Variants in ATXN10 observed in about 807,000 individuals in gnomAD.
ATXN10 encodes ataxin-10.
A neutral mutation model predicts 52.9 loss-of-function variants in ATXN10; 28 were observed. The ratio of observed to expected loss-of-function variants is 0.53; its 90% CI spans 0.39 to 0.73. The LOEUF (loss-of-function observed/expected upper bound fraction) is 0.73, where lower values mean the gene tolerates loss of function less well. ATXN10 is among the 30% of genes least tolerant of loss of function. The pLI is 0.00. For missense variants in ATXN10, 565 were observed against 577.0 expected (o/e 0.98, Z 0.21); for synonymous variants, 226 against 221.5 (o/e 1.02, Z -0.18).
chr22:45,824,288 G>A lies in ATXN10; in HGVS notation c.1237+17266G>A, dbSNP rs1928748564. Among the ~76,000 whole-genome samples, 1 of 152,064 alleles carries A rather than the reference G, an allele frequency of 6.6e-6. No homozygotes were observed. Among genetic ancestry groups the A allele is most frequent in the Non-Finnish European group, 1.5e-5 (1 of 68,026 alleles). ...TTGGCCAACTCCTACTCACCTTTGA[G>A]TTTGATTTAAATATTATTTATTTAA... On this transcript the variant is annotated intron_variant, in intron 10 of 11. Transcript: ENST00000252934. This position sits in a 1 kb window ranked among gnomAD's most constrained non-coding sequence, Gnocchi z 5.2.
chr22:45,718,583 T>C lies in ATXN10; in HGVS notation c.728+90T>C, dbSNP rs1197597113. On this transcript the variant is annotated intron_variant, in intron 6 of 11. Coordinates refer to ENST00000252934, the MANE Select transcript of ATXN10 (RefSeq NM_013236.4). This position sits in a 1 kb window ranked among gnomAD's most constrained non-coding sequence, Gnocchi z 4.4. ...ACTGAAAAGCTGTGTGGTTTCTGAGTTGGCACAGAATCTCTAAATACATGT... is the reference window on the plus strand; with the variant it reads ...ACTGAAAAGCTGTGTGGTTTCTGAGCTGGCACAGAATCTCTAAATACATGT... The C allele has an allele frequency of 8.6e-7, 1 of 1,167,682 alleles. No individual in the cohort carries two copies. The highest frequency in any genetic ancestry group is 1.3e-6 in the Non-Finnish European group (1 of 774,480). 72.3% of individuals were successfully genotyped at this position (1,167,682 alleles called of 1,614,324 possible).
At chr22:45,679,330 AAG>A (rs1418721514) in intron 1 of ATXN10, 1 of 152,260 alleles carries the variant, frequency 6.6e-6, no homozygotes, top group Non-Finnish European at 1.5e-5. Context: ...GCATACAAGA[AAG>A]ACTTTAATTA....
intron 9 of ATXN10, among the ~76,000 whole-genome samples, chr22:45,803,434 G>A (rs1383223620): frequency 6.6e-6 from 1 of 151,992 alleles, no homozygotes; most frequent in Non-Finnish European, 1.5e-5. Context: ...ACTTCTTTAG[G>A]GAGGCCTTCT....
chr22:45,803,887 C>T (rs1365598031), intron 9 of ATXN10, among the ~76,000 whole-genome samples: 1 of 152,062 alleles, frequency 6.6e-6, no homozygotes, highest in Admixed American at 6.6e-5. Context: ...CTGTGCTTCT[C>T]AAACACATGA....
intron 9 of ATXN10, among the ~76,000 whole-genome samples, chr22:45,782,729 G>A (rs77165674): frequency 0.017 from 2,626 of 152,260 alleles, 78 homozygotes; most frequent in African/African-American, 0.06. Flanking sequence ...AGCGATACAC[G>A]TAAGATTTGT....
rs1929464170 is a variant in ATXN10, at chr22:45,844,985, G to A, written c.*1314G>A. ...ACTCTGAAGACACATCAGCTTCTAG[G>A]ATTGCAGCAATCTATGAATAACATT... On this transcript the variant is annotated 3_prime_UTR_variant, in exon 12 of 12. Transcript: ENST00000252934. 1 of 152,208 alleles carries A rather than the reference G, an allele frequency of 6.6e-6. No homozygotes were observed. Among genetic ancestry groups the A allele is most frequent in the African/African-American group, 2.4e-5 (1 of 41,450 alleles). The allele number at this position is 152,208 out of a possible 1,614,324, so 9.4% of individuals were successfully genotyped here. A position where few individuals can be genotyped will look rare whatever the true frequency, so the allele number is the denominator to read the frequency against.
At chr22:45,740,033 AAAG>A (rs1379966104) in intron 8 of ATXN10, among the ~76,000 whole-genome samples, 1 of 152,230 alleles carries the variant, frequency 6.6e-6, no homozygotes, top group African/African-American at 2.4e-5. Flanking sequence ...GTTCTTTCAT[AAAG>A]AAGTTGAGAT....
In ATXN10 at chr22:45,769,351, G is replaced by A. The variant is rs893459564; in HGVS notation, c.1173+28813G>A. Among the ~76,000 whole-genome samples, 6 of 152,082 alleles carry A rather than the reference G, an allele frequency of 3.9e-5. No individual in the cohort carries two copies. The highest frequency in any genetic ancestry group is 3.4e-3 in the Middle Eastern group (1 of 294). ...ATAGACACAACAGACATTTCTACAG[G>A]ATCTGCTTGGTACAGGGCACTGTGC... On this transcript the variant is annotated intron_variant, in intron 9 of 11. Coordinates refer to ENST00000252934, the MANE Select transcript of ATXN10 (RefSeq NM_013236.4). The surrounding 1 kb of genome is among the most constrained non-coding windows in gnomAD (Gnocchi z 4.2).
chr22:45,738,591 G>C (rs1319665419), intron 7 of ATXN10, 140 bp from the exon 8 acceptor site: 1 of 710,808 alleles, frequency 1.4e-6, no homozygotes, highest in Non-Finnish European at 2.3e-6. Context: ...GTTCTTCATA[G>C]TTTTGTTTTT....
chr22:45,762,264 G>A lies in ATXN10; in HGVS notation c.1173+21726G>A, dbSNP rs1234937399. Among the ~76,000 whole-genome samples the A allele has an allele frequency of 6.6e-6, 1 of 152,194 alleles. No individual in the cohort carries two copies. Among genetic ancestry groups the A allele is most frequent in the Non-Finnish European group, 1.5e-5 (1 of 68,040 alleles). On this transcript the variant is annotated intron_variant, in intron 9 of 11. Transcript: ENST00000252934. The surrounding 1 kb of genome is among the most constrained non-coding windows in gnomAD (Gnocchi z 4.3). ...GACCAGCGTGCGTTTCTTTCTGGAG[G>A]CGCAGGGACCTCGGCTTATTTTTCT... is the stretch of plus-strand genomic sequence containing the variant.
At chr22:45,791,037 T>A (rs1927490674) in intron 9 of ATXN10, among the ~76,000 whole-genome samples, 1 of 152,122 alleles carries the variant, frequency 6.6e-6, no homozygotes, top group Admixed American at 6.5e-5. Context: ...TAAAAAATTA[T>A]TTGTTGAGAT....
intron 1 of ATXN10, chr22:45,674,999 C>T (rs554290359): frequency 2.6e-5 from 4 of 152,314 alleles, no homozygotes; most frequent in Admixed American, 6.5e-5. Context: ...CTTCTTGTTT[C>T]TTTCCTTGAA....
intron 10 of ATXN10, among the ~76,000 whole-genome samples, chr22:45,808,011 A>G (rs1928159062): frequency 6.6e-6 from 1 of 152,240 alleles, no homozygotes; most frequent in African/African-American, 2.4e-5. Context: ...TGTGCTGAAG[A>G]TACTGTCATT....
chr22:45,680,526 C>T (rs187352128), intron 1 of ATXN10, among the ~76,000 whole-genome samples: 214 of 152,196 alleles, frequency 1.4e-3, no homozygotes, highest in African/African-American at 5.1e-3. Flanking sequence ...GAACTGTCAT[C>T]CCTTTAAGGC....
chr22:45,702,740 T>G lies in ATXN10; in HGVS notation c.540T>G (p.Ile180Met), dbSNP rs1172320854. The change falls in exon 5 of 12, where the codon ATT becomes ATG. Residue 180 changes from isoleucine (I) to methionine (M), a missense_variant. Physicochemically the swap from Ile to Met is conservative, Grantham distance 10. Transcript: ENST00000252934. ...DKKIVAYSSM[I>M]LFTSLNHERM... ...AAATTGTTGCCTACTCTTCAATGAT[T>G]TTGTTTACATCCCTTAATCATGAAA... 1 of 1,613,938 alleles carries G rather than the reference T, an allele frequency of 6.2e-7. No individual in the cohort carries two copies. Among genetic ancestry groups the G allele is most frequent in the African/African-American group, 1.3e-5 (1 of 74,928 alleles).
chr22:45,708,649 T>C lies in ATXN10; in HGVS notation c.647+5802T>C, dbSNP rs552056852. Among the ~76,000 whole-genome samples the C allele has an allele frequency of 6.6e-6, 1 of 152,192 alleles. No individual in the cohort carries two copies. The highest frequency in any genetic ancestry group is 1.5e-5 in the Non-Finnish European group (1 of 68,028). The stretch of plus-strand genomic sequence containing the variant: ...TTTTAGCCTCTTTTGGTGTAAACTT[T>C]TTCTTTTTGAGACAGAGTCTCACTC... On this transcript the variant is annotated intron_variant, in intron 5 of 11. Coordinates refer to ENST00000252934, the MANE Select transcript of ATXN10 (RefSeq NM_013236.4). This position sits in a 1 kb window ranked among gnomAD's most constrained non-coding sequence, Gnocchi z 5.3.
chr22:45,812,609 C>G (rs1233750829), intron 10 of ATXN10, among the ~76,000 whole-genome samples: 1 of 152,190 alleles, frequency 6.6e-6, no homozygotes, highest in Non-Finnish European at 1.5e-5. Flanking sequence ...TAGTAATTAG[C>G]ACCATCCAAG....
At chr22:45,806,346 G>A (rs186871377) in intron 9 of ATXN10, among the ~76,000 whole-genome samples, 1 of 152,130 alleles carries the variant, frequency 6.6e-6, no homozygotes, top group East Asian at 1.9e-4. Flanking sequence ...TGTATTTTCG[G>A]TGCCATGTAT....
intron 5 of ATXN10, 44 bp downstream of exon 5, chr22:45,702,891 C>G (rs373530878): frequency 3.4e-5 from 55 of 1,610,606 alleles, no homozygotes; most frequent in Non-Finnish European, 4.2e-5. Flanking sequence ...GGCATCCTGA[C>G]AGATCACTTT....
Sources: allele counts gnomAD v4.1 joint callset (sites outside exome capture counted in the v4.1 genomes callset), GRCh38; gene constraint gnomAD v4.1.1; non-coding constraint Gnocchi (gnomAD v3.1); transcripts MANE v1.5; gene names NCBI Gene and HGNC (gene_info 2026-07-23, HGNC 2026-07-21).